Variants in JARID2 observed in about 807,000 individuals in gnomAD.
JARID2 encodes the protein jumonji and AT-rich interaction domain containing 2, also known as protein Jumonji.
Under a neutral mutation model 125.6 loss-of-function variants are expected in JARID2, and 21 were observed. That is an observed-to-expected ratio of 0.17 (90% confidence interval 0.12 to 0.24). JARID2 has a LOEUF of 0.24. Among genes scored for constraint, JARID2 ranks in the 10% least tolerant of loss-of-function variants. The pLI is 1.00. For missense variants in JARID2, 1,303 were observed against 1,639.6 expected, an observed-to-expected ratio of 0.79 and a Z score of 3.55; for synonymous variants, 736 against 661.6, an observed-to-expected ratio of 1.11 and a Z score of -1.73.
intron 1 of JARID2, among the ~76,000 whole-genome samples, chr6:15,303,583 C>T (rs1334141710): frequency 6.6e-6 from 1 of 152,200 alleles, no homozygotes; most frequent in Non-Finnish European, 1.5e-5. Flanking sequence ...GTTTAATATG[C>T]TTCTCACCTC....
At chr6:15,410,557 G>A (rs1472138474) in intron 3 of JARID2, among the ~76,000 whole-genome samples, 192 bp downstream of exon 3, 1 of 151,724 alleles carries the variant, frequency 6.6e-6, no homozygotes, top group Admixed American at 6.6e-5. Context: ...TTAAAAACGG[G>A]AAAAAAAAGT....
chr6:15,445,098 A>G (rs902859080), intron 3 of JARID2, among the ~76,000 whole-genome samples: 20 of 152,216 alleles, frequency 1.3e-4, no homozygotes, highest in Non-Finnish European at 2.8e-4. Flanking sequence ...GAGTGCACAG[A>G]TAGCAATAAG....
chr6:15,299,003 G>C (rs567452730), intron 1 of JARID2, among the ~76,000 whole-genome samples: 4 of 116,140 alleles, frequency 3.4e-5, no homozygotes, highest in African/African-American at 1.3e-4. Context: ...TTGCGGGGGT[G>C]GGGGGCGGGT....
At chr6:15,507,772 C>T (rs548084477) in intron 11 of JARID2, among the ~76,000 whole-genome samples, 4 of 152,090 alleles carry the variant, frequency 2.6e-5, no homozygotes, top group African/African-American at 4.8e-5. Context: ...TCGTAAGGGA[C>T]GGATGGATGC....
intron 1 of JARID2, among the ~76,000 whole-genome samples, chr6:15,370,763 T>G (rs1488313170): frequency 6.6e-6 from 1 of 152,184 alleles, no homozygotes; most frequent in Non-Finnish European, 1.5e-5. Flanking sequence ...TCCCCCATCT[T>G]GGATAGGTTG....
intron 3 of JARID2, among the ~76,000 whole-genome samples, chr6:15,412,478 C>A (rs776879712): frequency 9.2e-5 from 14 of 151,870 alleles, no homozygotes; most frequent in Admixed American, 2.0e-4. Flanking sequence ...CTGGCTAATT[C>A]TTGTATTTTT....
intron 4 of JARID2, among the ~76,000 whole-genome samples, chr6:15,454,318 G>C: frequency 6.6e-6 from 1 of 152,114 alleles, no homozygotes. Flanking sequence ...GACATTATAG[G>C]ATAGTTCTTG....
In JARID2 at chr6:15,504,481, GT is replaced by G; in HGVS notation, c.2449-13del. On this transcript the variant is annotated intron_variant, in intron 8 of 17. Coordinates refer to ENST00000341776, the MANE Select transcript of JARID2 (RefSeq NM_004973.4). ...TCAGCTTTGCTTCTGAAGCTTTACT[GT>G]TTTTTGTTTTGTTTCAGGGAAGGTC... 1.3e-6 allele frequency: 2 copies of G among 1,586,572 alleles called. No individual in the cohort carries two copies. The highest frequency in any genetic ancestry group is 1.1e-5 in the South Asian group (1 of 90,496).
chr6:15,343,718 G>C (rs375439832), intron 1 of JARID2, among the ~76,000 whole-genome samples: 1 of 152,136 alleles, frequency 6.6e-6, no homozygotes, highest in Non-Finnish European at 1.5e-5. Flanking sequence ...AGCAGGGTCT[G>C]GTTAAGATCA....
At chr6:15,408,032 G>A (rs1021328817) in intron 2 of JARID2, among the ~76,000 whole-genome samples, 2 of 152,156 alleles carry the variant, frequency 1.3e-5, no homozygotes, top group Non-Finnish European at 2.9e-5. Context: ...GGGAGGCTGA[G>A]GTGACTGGAT....
At chr6:15,304,149 AATAACCAGCCTTG>A (rs1001813754) in intron 1 of JARID2, among the ~76,000 whole-genome samples, 32 of 152,248 alleles carry the variant, frequency 2.1e-4, no homozygotes, top group African/African-American at 7.5e-4. Context: ...TACTCCCGCT[AATAACCAGCCTTG>A]ATAACCAGCT....
intron 1 of JARID2, among the ~76,000 whole-genome samples, chr6:15,268,455 G>A (rs970459766): frequency 1.3e-5 from 2 of 152,112 alleles, no homozygotes; most frequent in Non-Finnish European, 2.9e-5. Context: ...GTGTTGGGGC[G>A]GCCTGGGGAG....
Position 15,455,867 on chromosome 6 carries a change from T to C in JARID2, c.493+3692T>C, listed in dbSNP as rs114788730. 5.0e-3 allele frequency among the ~76,000 whole-genome samples: 759 copies of C among 152,338 alleles called. 9 individuals are homozygous for C. Among genetic ancestry groups the C allele is most frequent in the African/African-American group, 0.017 (727 of 41,572 alleles). ...AAAGAGTAACTATGACTTAACTAGT[T>C]TGGCTACTTTTGGGAAAGGAATTTT... On this transcript the variant is annotated intron_variant, in intron 4 of 17. Transcript: ENST00000341776.
chr6:15,428,930 ACC>A (rs10660512), intron 3 of JARID2, among the ~76,000 whole-genome samples: 3 of 89,848 alleles, frequency 3.3e-5, no homozygotes, highest in African/African-American at 4.9e-5. Flanking sequence ...AAAAAAACAA[ACC>A]CCCCCCCCAA....
At chr6:15,381,197 C>CA (rs1306603959) in intron 2 of JARID2, among the ~76,000 whole-genome samples, 6,845 of 139,852 alleles carry the variant, frequency 0.049, 430 homozygotes, top group African/African-American at 0.15. Flanking sequence ...ACTAAAAATA[C>CA]AAAAAAAAAA....
At chr6:15,247,467 C>A (rs1319421947) in intron 1 of JARID2, 1 of 980,986 alleles carries the variant, frequency 1.0e-6, no homozygotes, top group African/African-American at 1.8e-5. Flanking sequence ...AAAGGGGGAC[C>A]GAGGGATTAA....
chr6:15,477,774 T>A (rs1483645755), intron 5 of JARID2, among the ~76,000 whole-genome samples: 3 of 152,218 alleles, frequency 2.0e-5, no homozygotes, highest in Admixed American at 6.5e-5. Flanking sequence ...CAGTTAATGT[T>A]AGAAACTGCT....
chr6:15,331,744 C>T (rs781064206), intron 1 of JARID2, among the ~76,000 whole-genome samples: 17 of 151,912 alleles, frequency 1.1e-4, no homozygotes, highest in Non-Finnish European at 2.2e-4. Flanking sequence ...CGCTTGAACC[C>T]AGGAGGTGGA....
chr6:15,413,278 G>A lies in JARID2; in HGVS notation c.323+2913G>A, dbSNP rs1765985520. Among the ~76,000 whole-genome samples, 3 of 152,216 alleles carry A rather than the reference G, an allele frequency of 2.0e-5. No homozygotes were observed. The South Asian group carries it at 6.2e-4, about 32-fold the overall frequency. ...CCCGCCCACCTCGGCCTCCCAAAGT[G>A]TTGGGATTACAGGTATGAGCCACTG... On this transcript the variant is annotated intron_variant, in intron 3 of 17. Coordinates refer to ENST00000341776, the MANE Select transcript of JARID2 (RefSeq NM_004973.4).
Sources: gnomAD v4.1 joint callset for allele counts (sites outside exome capture counted in the v4.1 genomes callset) on GRCh38, gnomAD v4.1.1 for gene constraint, MANE v1.5 for transcripts, NCBI Gene and HGNC (gene_info 2026-07-23, HGNC 2026-07-21) for gene names.